Variants in TGFA observed in about 807,000 individuals in gnomAD.
TGFA encodes the protein transforming growth factor alpha.
In TGFA, 12 loss-of-function variants were observed where a neutral mutation model predicts 21.7. The ratio of observed to expected loss-of-function variants is 0.55; its 90% CI spans 0.35 to 0.90. The LOEUF (loss-of-function observed/expected upper bound fraction) is 0.90. Ranked by LOEUF, TGFA falls within the 40% of genes least tolerant of loss-of-function variation. TGFA has a pLI of 0.01. For synonymous variants in TGFA, 79 were observed against 88.1 expected, an observed-to-expected ratio of 0.90 and a Z score of 0.58; for missense variants, 178 against 210.8, an observed-to-expected ratio of 0.84 and a Z score of 0.96.
chr2:70,473,218 T>C (rs1670810750), intron 2 of TGFA, among the ~76,000 whole-genome samples: 1 of 152,020 alleles, frequency 6.6e-6, no homozygotes, highest in Non-Finnish European at 1.5e-5. Context: ...TGGGAGGTGA[T>C]GCGTGAACCT....
intron 1 of TGFA, among the ~76,000 whole-genome samples, chr2:70,516,174 A>T (rs1553501578): frequency 6.6e-6 from 1 of 152,242 alleles, no homozygotes; most frequent in African/African-American, 2.4e-5. Flanking sequence ...ACGCAAAAAG[A>T]TGCCACAGTT....
At chr2:70,553,118 G>T in intron 1 of TGFA, 1 of 1,514,598 alleles carries the variant, frequency 6.6e-7, no homozygotes, top group South Asian at 1.2e-5. Flanking sequence ...GGCGGACACC[G>T]AAACCACTTC....
chr2:70,485,638 G>C (rs1182460993), intron 2 of TGFA, among the ~76,000 whole-genome samples: 2 of 152,128 alleles, frequency 1.3e-5, no homozygotes, highest in African/African-American at 4.8e-5. Flanking sequence ...CATAGCATCT[G>C]GCTTGACCAT....
At chr2:70,486,889 G>C (rs1671286418) in intron 2 of TGFA, among the ~76,000 whole-genome samples, 1 of 151,978 alleles carries the variant, frequency 6.6e-6, no homozygotes, top group Non-Finnish European at 1.5e-5. Flanking sequence ...TCAGCCTCCT[G>C]AGTAGCTGGG....
Position 70,510,184 on chromosome 2 carries a change from C to T in TGFA, c.94+4675G>A, listed in dbSNP as rs116919517. On this transcript the variant is annotated intron_variant, in intron 2 of 5. Transcript: ENST00000295400. ...TTCCCATGCTGTCTTTTCTCACCTG[C>T]ATGGGAGGCTCCTTGAGGACAAGGC... Among the ~76,000 whole-genome samples the T allele has an allele frequency of 1.5e-3, 223 of 152,348 alleles. 2 individuals carry two copies. In the East Asian group the frequency reaches 0.028, roughly 19 times the overall value.
At chr2:70,535,369 C>T (rs430338) in intron 1 of TGFA, among the ~76,000 whole-genome samples, 70,631 of 152,060 alleles carry the variant, frequency 0.46, 17,122 homozygotes, top group African/African-American at 0.58. Context: ...ATCTAATATA[C>T]AGTTAAATGT....
intron 1 of TGFA, among the ~76,000 whole-genome samples, chr2:70,538,296 C>A (rs1362912838): frequency 6.6e-6 from 1 of 152,192 alleles, no homozygotes; most frequent in African/African-American, 2.4e-5. Flanking sequence ...AACACAGCAA[C>A]CACTATGCGG....
At chr2:70,518,186 G>T (rs576762278) in intron 1 of TGFA, among the ~76,000 whole-genome samples, 7 of 152,216 alleles carry the variant, frequency 4.6e-5, no homozygotes, top group Non-Finnish European at 8.8e-5. Flanking sequence ...GCAGGCCCTC[G>T]GGACAGGAAG....
chr2:70,517,264 A>C (rs1672312827), intron 1 of TGFA, among the ~76,000 whole-genome samples: 1 of 152,236 alleles, frequency 6.6e-6, no homozygotes, highest in African/African-American at 2.4e-5. Context: ...GGTCCTTTCT[A>C]TACCCTCACG....
rs76704195 is a variant in TGFA at position 70,499,946 on chromosome 2, C to G, written c.94+14913G>C. Among the ~76,000 whole-genome samples, 574 of 152,190 alleles carry G rather than the reference C, an allele frequency of 3.8e-3. 5 individuals carry two copies. Among genetic ancestry groups the G allele is most frequent in the African/African-American group, 0.013 (560 of 41,484 alleles). Reference sequence around the variant, plus strand: ...GTAATTCTATATATTCTAGTAGCCACCTTTAGGATAAAAAGGTGAAATTGA... The same window carrying G: ...GTAATTCTATATATTCTAGTAGCCAGCTTTAGGATAAAAAGGTGAAATTGA... On this transcript the variant is annotated intron_variant, in intron 2 of 5. Transcript: ENST00000295400.
At chr2:70,538,499 C>T (rs1011298826) in intron 1 of TGFA, among the ~76,000 whole-genome samples, 4 of 152,088 alleles carry the variant, frequency 2.6e-5, no homozygotes, top group Non-Finnish European at 2.9e-5. Flanking sequence ...AAAATATCAA[C>T]ATTAATAGGA....
chr2:70,465,989 C>T (rs1313535446), intron 2 of TGFA, among the ~76,000 whole-genome samples: 5 of 152,192 alleles, frequency 3.3e-5, no homozygotes, highest in African/African-American at 1.2e-4. Flanking sequence ...TAACGTAATT[C>T]AAAGACAACA....
chr2:70,553,374 C>A (rs893232655), intron 1 of TGFA: 1 of 1,460,432 alleles, frequency 6.8e-7, no homozygotes, highest in Admixed American at 2.7e-5. Flanking sequence ...CCGGCTGAGC[C>A]GGGCTTGGAG....
intron 1 of TGFA, among the ~76,000 whole-genome samples, chr2:70,533,168 T>A (rs1180414959): frequency 6.6e-6 from 1 of 152,222 alleles, no homozygotes; most frequent in African/African-American, 2.4e-5. Context: ...AGCGGTTTAT[T>A]TTCTTTACTG....
At chr2:70,462,403 C>G (rs1458204111) in intron 3 of TGFA, among the ~76,000 whole-genome samples, 1 of 152,200 alleles carries the variant, frequency 6.6e-6, no homozygotes, top group Non-Finnish European at 1.5e-5. Context: ...AGGGGTCCCA[C>G]GGATGGCAAA....
At chr2:70,467,495 G>C (rs1670604335) in intron 2 of TGFA, 1 of 152,190 alleles carries the variant, frequency 6.6e-6, no homozygotes, top group South Asian at 2.1e-4. Flanking sequence ...AGCACTTTGG[G>C]CTTATTTTTT....
At chr2:70,518,413 A>T (rs559567) in intron 1 of TGFA, among the ~76,000 whole-genome samples, 18,920 of 152,220 alleles carry the variant, frequency 0.12, 1,259 homozygotes, top group South Asian at 0.21. Flanking sequence ...GCCCTTAGGA[A>T]GGACAAGTGT....
At chr2:70,518,496 C>A (rs1161927519) in intron 1 of TGFA, among the ~76,000 whole-genome samples, 3 of 152,128 alleles carry the variant, frequency 2.0e-5, no homozygotes, top group African/African-American at 7.2e-5. Flanking sequence ...AAAGGAGGCT[C>A]ACCCATTTAG....
chr2:70,500,970 C>CAAA (rs34669349), intron 2 of TGFA, among the ~76,000 whole-genome samples: 3 of 143,810 alleles, frequency 2.1e-5, no homozygotes, highest in African/African-American at 7.6e-5. Flanking sequence ...GGGCCATCTC[C>CAAA]AAAAAAAAAA....
Sources: gnomAD v4.1 joint callset for allele counts (sites outside exome capture counted in the v4.1 genomes callset) on GRCh38, gnomAD v4.1.1 for gene constraint, MANE v1.5 for transcripts, NCBI Gene and HGNC (gene_info 2026-07-23, HGNC 2026-07-21) for gene names.